The following PIGO variants were observed in gnomAD, a reference collection of about 807,000 sequenced individuals.
PIGO encodes GPI ethanolamine phosphate transferase 3, catalytic subunit.
A neutral mutation model predicts 86.9 loss-of-function variants in PIGO; 66 were observed. The observed-to-expected ratio is 0.76, with a 90% CI of 0.62 to 0.93. The LOEUF (loss-of-function observed/expected upper bound fraction) is 0.93, where lower values mean the gene tolerates loss of function less well. Ranked by LOEUF, PIGO falls within the 40% of genes least tolerant of loss-of-function variation. The probability of loss-of-function intolerance (pLI) is 0.00; values close to 1 mark genes in which losing one functional copy is unlikely to be tolerated. For missense variants in PIGO, 1,202 were observed against 1,359.1 expected (o/e 0.88, Z 1.82); for synonymous variants, 570 against 556.4 (o/e 1.02, Z -0.34).
Position 35,092,651 on chromosome 9 carries a change from C to T in PIGO, c.1236G>A (p.Gln412=), listed in dbSNP as rs760540577. The change falls in exon 7 of 11, where the codon CAG becomes CAA. Residue 412 remains glutamine (Q), a synonymous_variant. Coordinates refer to ENST00000378617, the MANE Select transcript of PIGO (RefSeq NM_032634.4). ...KASADYQWLL[Q]SPKGAEATLP... ...GTGTCGCCTCAGCCCCCTTGGGGCT[C>T]TGGAGAAGCCACTGGTAGTCAGCAG... 13 of 1,614,122 alleles carry T rather than the reference C, an allele frequency of 8.1e-6. No homozygotes were observed. Among genetic ancestry groups the T allele is most frequent in the Non-Finnish European group, 1.1e-5 (13 of 1,180,058 alleles).
intron 8 of PIGO, 42 bp from the exon 9 acceptor site, chr9:35,090,322 T>C: frequency 1.3e-6 from 2 of 1,597,432 alleles, no homozygotes; most frequent in Non-Finnish European, 1.7e-6. Context: ...CAGGCCACCC[T>C]GGCTGGCTCA....
intron 4 of PIGO, 144 bp from the exon 5 acceptor site, chr9:35,093,724 G>T: frequency 7.0e-7 from 1 of 1,419,530 alleles, no homozygotes; most frequent in East Asian, 2.4e-5. Context: ...ACATGTCTTC[G>T]GCCATGATCC....
Position 35,092,722 on chromosome 9 carries a change from G to C in PIGO, c.1165C>G (p.Gln389Glu). 6.2e-7 allele frequency: 1 copy of C among 1,613,568 alleles called. No individual in the cohort carries two copies. Among genetic ancestry groups the C allele is most frequent in the South Asian group, 1.1e-5 (1 of 91,034 alleles). Residue 389 changes from glutamine to glutamate, a missense_variant, in exon 7 of 11, where the codon CAA becomes GAA. Coordinates refer to ENST00000378617, the MANE Select transcript of PIGO (RefSeq NM_032634.4). The part of the protein sequence containing the change: ...HTYSAATQDL[Q>E]AKELHQLQNL... ...TGCAGCTGATGAAGCTCCTTAGCTT[G>C]AAGGTCCTGAGTAGCAGCTGAGTAG...
rs763688561 is a variant in PIGO at position 35,092,400 on chromosome 9, G to T, written c.1487C>A (p.Ala496Glu). Reference sequence around the variant, plus strand: ...AATAGTTCCCAGGAGTCCAGCATACGCTATGGCCCCAACCAGGCCCCAGGC... The same window carrying T: ...AATAGTTCCCAGGAGTCCAGCATACTCTATGGCCCCAACCAGGCCCCAGGC... ...PVAWGLVGAI[A>E]YAGLLGTIEL... The change falls in exon 7 of 11, where the codon GCG becomes GAG. Residue 496 changes from alanine to glutamate, a missense_variant. Physicochemically the swap from Ala to Glu is moderately radical, Grantham distance 107. Coordinates refer to ENST00000378617, the MANE Select transcript of PIGO (RefSeq NM_032634.4). The T allele has an allele frequency of 2.5e-6, 4 of 1,614,214 alleles. No individual in the cohort carries two copies. Among genetic ancestry groups the T allele is most frequent in the Admixed American group, 1.7e-5 (1 of 60,030 alleles).
chr9:35,089,381 TA>T lies in PIGO; in HGVS notation c.3138del (p.Lys1047SerfsTer11). On this transcript the variant is annotated frameshift_variant and splice_region_variant, in exon 10 of 11. Transcript: ENST00000378617. LOFTEE classifies it high-confidence loss of function. ...RHLMVWKVFA[P>X]KFIFEAVGFI... ...TACTTCTCAAGCAAATCTACTCACTTAGGGGCAAACACTTTCCAGACCATGA... is the reference window on the plus strand; with the variant it reads ...TACTTCTCAAGCAAATCTACTCACTTGGGGCAAACACTTTCCAGACCATGA... 1 of 1,614,186 alleles carries T rather than the reference TA, an allele frequency of 6.2e-7. No individual in the cohort carries two copies. Among genetic ancestry groups the T allele is most frequent in the Non-Finnish European group, 8.5e-7 (1 of 1,180,026 alleles).
In PIGO at chr9:35,091,645, C is replaced by A; in HGVS notation, c.2242G>T (p.Ala748Ser). Residue 748 changes from alanine (A) to serine (S), a missense_variant, in exon 7 of 11, where the codon GCA becomes TCA. Ala to Ser is a moderately conservative substitution (Grantham distance 99, BLOSUM62 1). Coordinates refer to ENST00000378617, the MANE Select transcript of PIGO (RefSeq NM_032634.4). ...GCGAGCCCTGAAGCAGCCAGCCCTG[C>A]TACAGCCCGAGGCAGCACCATGGAT... ...GASMVLPRAV[A>S]GLAASGLALL... 1.9e-6 allele frequency: 3 copies of A among 1,613,366 alleles called. No homozygotes were observed. Among genetic ancestry groups the A allele is most frequent in the Non-Finnish European group, 1.7e-6 (2 of 1,180,028 alleles).
chr9:35,092,988 C>T (rs750003585), intron 6 of PIGO, 42 bp downstream of exon 6: 2 of 1,571,402 alleles, frequency 1.3e-6, no homozygotes, highest in Non-Finnish European at 1.7e-6. Context: ...CTTTCATGCC[C>T]ACCCTAGCTC....
rs185911232 is a variant in PIGO, at chr9:35,092,169, G to A, written c.1718C>T (p.Thr573Ile). 1.5e-5 allele frequency: 24 copies of A among 1,614,202 alleles called. No homozygotes were observed. The East Asian group carries it at 4.5e-4, about 30-fold the overall frequency. ...GATGAATGAGCCCAAAAGGAAGGGG[G>A]TGGCCCTGGCCTCAGCTACAACAAA... is the stretch of plus-strand genomic sequence containing the variant. ...DSFVVAEARA[T>I]PFLLGSFILL... Residue 573 changes from threonine to isoleucine, a missense_variant, in exon 7 of 11, where the codon ACC becomes ATC. Thr to Ile is a moderately conservative substitution (Grantham distance 89). Coordinates refer to ENST00000378617, the MANE Select transcript of PIGO (RefSeq NM_032634.4).
Position 35,088,961 on chromosome 9 carries a change from A to G in PIGO, c.*131T>C, listed in dbSNP as rs1006649423. On this transcript the variant is annotated 3_prime_UTR_variant, in exon 11 of 11. Coordinates refer to ENST00000378617, the MANE Select transcript of PIGO (RefSeq NM_032634.4). Reference sequence around the variant, plus strand: ...ATAGAATAATGAAGTCCTAGATGTCAGCGGCCCCTGGCTGCATGATAGTAA... The same window carrying G: ...ATAGAATAATGAAGTCCTAGATGTCGGCGGCCCCTGGCTGCATGATAGTAA... 18 of 1,263,884 alleles carry G rather than the reference A, an allele frequency of 1.4e-5. No homozygotes were observed. The highest frequency in any genetic ancestry group is 4.3e-5 in the South Asian group (3 of 70,136). 78.3% of individuals were successfully genotyped at this position (1,263,884 alleles called of 1,614,324 possible). A position where few individuals can be genotyped will look rare whatever the true frequency, so the allele number is the denominator to read the frequency against.
At position 35,091,476 on chromosome 9, in the gene PIGO, A is replaced by C. The variant is rs763204004; in HGVS notation, c.2411T>G (p.Met804Arg). 1 of 1,614,060 alleles carries C rather than the reference A, an allele frequency of 6.2e-7. No individual in the cohort carries two copies. The highest frequency in any genetic ancestry group is 1.3e-5 in the African/African-American group (1 of 74,934). ...DYVVPQIYRH[M>R]QEEFRGRLER... ...TAACCGGCCCCGGAACTCCTCCTGCATGTGTCGGTAGATTTGAGGGACCAC... is the reference window on the plus strand; with the variant it reads ...TAACCGGCCCCGGAACTCCTCCTGCCTGTGTCGGTAGATTTGAGGGACCAC... Residue 804 changes from methionine (M) to arginine (R), a missense_variant, in exon 7 of 11, where the codon ATG becomes AGG. Physicochemically the swap from Met to Arg is moderately conservative, Grantham distance 91. Transcript: ENST00000378617.
In PIGO at chr9:35,094,354, G is replaced by A. The variant is rs763191841; in HGVS notation, c.517C>T (p.Arg173Cys). The change falls in exon 3 of 11, where the codon CGT (arginine) becomes TGT (cysteine). Residue 173 changes from arginine to cysteine, a missense_variant. Coordinates refer to ENST00000378617, the MANE Select transcript of PIGO (RefSeq NM_032634.4). ...GTATCATCTCCCATGAAGACTACACGCCTTCCTGCAGGGACATGAAAGAGA... is the reference window on the plus strand; with the variant it reads ...GTATCATCTCCCATGAAGACTACACACCTTCCTGCAGGGACATGAAAGAGA... The part of the protein sequence containing the change: ...LIKQLTSAGR[R>C]VVFMGDDTWK... 14 of 1,601,462 alleles carry A rather than the reference G, an allele frequency of 8.7e-6. No individual in the cohort carries two copies. The highest frequency in any genetic ancestry group is 1.7e-4 in the Middle Eastern group (1 of 6,020).
At chr9:35,090,361 C>A in intron 8 of PIGO, 81 bp from the exon 9 acceptor site, 1 of 1,557,376 alleles carries the variant, frequency 6.4e-7, no homozygotes, top group Non-Finnish European at 8.7e-7. Context: ...CCAAGGGGTG[C>A]CAAAGATCCA....
In PIGO at chr9:35,091,977, A is replaced by G; in HGVS notation, c.1910T>C (p.Leu637Pro). The G allele has an allele frequency of 6.2e-7, 1 of 1,614,220 alleles. No homozygotes were observed. ...TGTCTCTTCAGGGCAACGATGAAAA[A>G]GCCCAGCTAGCCTTGTACATAAAAG... ...GLLLCTRLAG[L>P]FHRCPEETPV... Residue 637 changes from leucine to proline, a missense_variant, in exon 7 of 11, where the codon CTT becomes CCT. By Grantham distance (98) the Leu-to-Pro change is moderately conservative. Coordinates refer to ENST00000378617, the MANE Select transcript of PIGO (RefSeq NM_032634.4).
chr9:35,089,000 C>A lies in PIGO; in HGVS notation c.*92G>T. On this transcript the variant is annotated 3_prime_UTR_variant, in exon 11 of 11. Transcript: ENST00000378617. ...GCATGATAGTAAGAGTATGGCTGAG[C>A]CTGTCTTGCAGATCATCCAGTACCT... is the stretch of plus-strand genomic sequence containing the variant. The A allele has an allele frequency of 1.3e-6, 2 of 1,544,280 alleles. No homozygotes were observed. Among genetic ancestry groups the A allele is most frequent in the Non-Finnish European group, 1.8e-6 (2 of 1,135,674 alleles).
At position 35,092,671 on chromosome 9, in the gene PIGO, C is replaced by A; in HGVS notation, c.1216G>T (p.Asp406Tyr). The A allele has an allele frequency of 6.2e-7, 1 of 1,614,202 alleles. No homozygotes were observed. The highest frequency in any genetic ancestry group is 1.1e-5 in the South Asian group (1 of 91,084). The part of the protein sequence containing the change: ...LQNLFSKASA[D>Y]YQWLLQSPKG... Reference sequence around the variant, plus strand: ...GGGCTCTGGAGAAGCCACTGGTAGTCAGCAGAGGCCTTGGAGAAGAGGTTC... The same window carrying A: ...GGGCTCTGGAGAAGCCACTGGTAGTAAGCAGAGGCCTTGGAGAAGAGGTTC... The change falls in exon 7 of 11, where the codon GAC becomes TAC. Residue 406 changes from aspartate (D) to tyrosine (Y), a missense_variant. Asp to Tyr is a radical substitution (Grantham distance 160). Transcript: ENST00000378617.
At position 35,092,200 on chromosome 9, in the gene PIGO, CAG is replaced by C. The variant is rs758923328; in HGVS notation, c.1685_1686del (p.Ser562Ter). 1 of 1,614,212 alleles carries C rather than the reference CAG, an allele frequency of 6.2e-7. No homozygotes were observed. Among genetic ancestry groups the C allele is most frequent in the Non-Finnish European group, 8.5e-7 (1 of 1,180,040 alleles). On this transcript the variant is annotated frameshift_variant, in exon 7 of 11. Coordinates refer to ENST00000378617, the MANE Select transcript of PIGO (RefSeq NM_032634.4). LOFTEE classifies it high-confidence loss of function. Reference sequence around the variant, plus strand: ...CTGGCCTCAGCTACAACAAAACTATCAGAGAAGAACACAGCCAAGCGAAACAG... The same window carrying C: ...CTGGCCTCAGCTACAACAAAACTATCAGAAGAACACAGCCAAGCGAAACAG... ...LLLFRLAVFF[S>X]DSFVVAEARA...
Position 35,093,497 on chromosome 9 carries a change from C to T in PIGO, c.863G>A (p.Gly288Glu), listed in dbSNP as rs1027597930. Reference protein sequence around the residue: ...HGMTTNGDHGGDSELEVSAAL... With the variant: ...HGMTTNGDHGEDSELEVSAAL... Reference sequence around the variant, plus strand: ...AGCTGAGACCTCCAGCTCACTGTCCCCTCCATGGTCTCCATTTGTGGTCAT... The same window carrying T: ...AGCTGAGACCTCCAGCTCACTGTCCTCTCCATGGTCTCCATTTGTGGTCAT... The change falls in exon 5 of 11, where the codon GGG (glycine) becomes GAG (glutamate). Residue 288 changes from glycine (G) to glutamate (E), a missense_variant. Transcript: ENST00000378617. 2 of 1,614,136 alleles carry T rather than the reference C, an allele frequency of 1.2e-6. No individual in the cohort carries two copies. Among genetic ancestry groups the T allele is most frequent in the Non-Finnish European group, 1.7e-6 (2 of 1,180,024 alleles).
intron 8 of PIGO, 32 bp from the exon 9 acceptor site, chr9:35,090,312 C>G (rs751713415): frequency 2.5e-6 from 4 of 1,602,898 alleles, no homozygotes; most frequent in Middle Eastern, 1.7e-4. Flanking sequence ...CTGGAATCAA[C>G]AGGCCACCCT....
Position 35,088,841 on chromosome 9 carries a change from G to A in PIGO, c.*251C>T, listed in dbSNP as rs981140184. The A allele has an allele frequency of 4.5e-5, 19 of 419,018 alleles. No individual in the cohort carries two copies. Among genetic ancestry groups the A allele is most frequent in the Non-Finnish European group, 6.9e-5 (16 of 233,086 alleles). The allele number at this position is 419,018 out of a possible 1,614,324, so 26.0% of individuals were successfully genotyped here. On this transcript the variant is annotated 3_prime_UTR_variant, in exon 11 of 11. Coordinates refer to ENST00000378617, the MANE Select transcript of PIGO (RefSeq NM_032634.4). The stretch of plus-strand genomic sequence containing the variant: ...ATTATAGGTGCAAGTCACCACGCCC[G>A]GCCTATTTTATTCCACTTCGGAGAC...
Sources: allele counts gnomAD v4.1 joint callset, GRCh38; gene constraint gnomAD v4.1.1; transcripts MANE v1.5; gene names NCBI Gene and HGNC (gene_info 2026-07-23, HGNC 2026-07-21).